The following KLHDC4 variants were observed in gnomAD, a reference collection of about 807,000 sequenced individuals.
KLHDC4 encodes the protein kelch domain-containing protein 4.
In KLHDC4, 90 loss-of-function variants were observed where a neutral mutation model predicts 62.4. The ratio of observed to expected loss-of-function variants is 1.44; its 90% CI spans 1.22 to 1.72. The LOEUF (loss-of-function observed/expected upper bound fraction) is 1.72. Among genes scored for constraint, KLHDC4 ranks in the 40% most tolerant of loss-of-function variants. The pLI, the probability that KLHDC4 is intolerant of heterozygous loss-of-function variation, is 0.00. For synonymous variants in KLHDC4, 386 were observed against 284.4 expected (o/e 1.36, Z -3.59); for missense variants, 1,025 against 699.7 (o/e 1.47, Z -5.25).
At chr16:87,731,620 T>G (rs908081885) in intron 5 of KLHDC4, among the ~76,000 whole-genome samples, 9 of 151,194 alleles carry the variant, frequency 6.0e-5, no homozygotes, top group African/African-American at 2.2e-4. Flanking sequence ...ATGGGGCTGC[T>G]GGAGCCATGG....
chr16:87,737,342 C>T (rs973584736), intron 5 of KLHDC4, among the ~76,000 whole-genome samples: 4 of 152,032 alleles, frequency 2.6e-5, no homozygotes, highest in Non-Finnish European at 5.9e-5. Context: ...AATCCCAGCA[C>T]TTTGGGAGGC....
Position 87,755,229 on chromosome 16 carries a change from T to C in KLHDC4, c.334A>G (p.Ile112Val). ...CAGCGCCTCGGAGGTGGACTGGGGATGTCAACTTTGGTCCAGGTGTCCTTT... is the reference window on the plus strand; with the variant it reads ...CAGCGCCTCGGAGGTGGACTGGGGACGTCAACTTTGGTCCAGGTGTCCTTT... ...TRKDTWTKVD[I>V]PSPPPRRCAH... The change falls in exon 4 of 12, where the codon ATC (isoleucine) becomes GTC (valine). Residue 112 changes from isoleucine to valine, a missense_variant. Physicochemically the swap from Ile to Val is conservative, Grantham distance 29. Coordinates refer to ENST00000270583, the MANE Select transcript of KLHDC4 (RefSeq NM_017566.4). The C allele has an allele frequency of 1.2e-6, 2 of 1,612,080 alleles. No homozygotes were observed. Among genetic ancestry groups the C allele is most frequent in the Non-Finnish European group, 1.7e-6 (2 of 1,178,210 alleles).
At chr16:87,703,776 G>A (rs1183050788), downstream of KLHDC4, among the ~76,000 whole-genome samples, 2 of 152,240 alleles carry the variant, frequency 1.3e-5, no homozygotes, top group Non-Finnish European at 2.9e-5. Context: ...GGCCATGACA[G>A]TGTGTCAGCT....
intron 5 of KLHDC4, among the ~76,000 whole-genome samples, chr16:87,733,813 C>G (rs1488620290): frequency 1.3e-5 from 2 of 152,062 alleles, no homozygotes; most frequent in Non-Finnish European, 2.9e-5. Context: ...CTTAGGAATC[C>G]ACTCCCTGGG....
intron 5 of KLHDC4, among the ~76,000 whole-genome samples, chr16:87,746,399 G>T (rs992388597): frequency 1.3e-5 from 2 of 151,970 alleles, no homozygotes; most frequent in Admixed American, 1.3e-4. Context: ...GACAGAGAGA[G>T]AAAGAGAGTG....
chr16:87,765,474 C>T, intron 1 of KLHDC4: 2 of 505,154 alleles, frequency 4.0e-6, no homozygotes, highest in Non-Finnish European at 7.6e-6. Flanking sequence ...ACCCAGCCTC[C>T]CTTCAGAGGG....
rs775251141 is a variant in KLHDC4, at chr16:87,709,644, TTTC to T, written c.1065_1067del (p.Lys356del). The stretch of plus-strand genomic sequence containing the variant: ...GCTCCTCTTTTCTGCCCCGCCTGCG[TTTC>T]TTCTTTTCAGACTTGGGTCCCTATT... On this transcript the variant is annotated inframe_deletion, in exon 10 of 12. Coordinates refer to ENST00000270583, the MANE Select transcript of KLHDC4 (RefSeq NM_017566.4). 2.5e-6 allele frequency: 4 copies of T among 1,603,404 alleles called. No individual in the cohort carries two copies. The African/African-American group carries it at 5.4e-5, about 21-fold the overall frequency.
exon 1 of KLHDC4, chr16:87,700,590 GGA>G (rs1427065224): frequency 3.1e-5 from 6 of 195,934 alleles, no homozygotes; most frequent in Admixed American, 1.9e-4. Flanking sequence ...GGTGGAGGGA[GGA>G]GAGAAGAGGT....
intron 5 of KLHDC4, among the ~76,000 whole-genome samples, chr16:87,745,783 G>C (rs1274078345): frequency 6.6e-6 from 1 of 152,188 alleles, no homozygotes; most frequent in Non-Finnish European, 1.5e-5. Context: ...TGACTACAGG[G>C]TGGGAGAGAA....
intron 5 of KLHDC4, among the ~76,000 whole-genome samples, chr16:87,736,581 G>C (rs1010734981): frequency 1.3e-5 from 2 of 152,140 alleles, no homozygotes; most frequent in African/African-American, 2.4e-5. Flanking sequence ...CTGCTTTTCC[G>C]AGTATCAAGT....
rs144215008 is a variant in KLHDC4 at position 87,742,836 on chromosome 16, C to T, written c.506+5837G>A. Among the ~76,000 whole-genome samples, 35 of 152,342 alleles carry T rather than the reference C, an allele frequency of 2.3e-4. No individual in the cohort carries two copies. The East Asian group carries it at 4.6e-3, about 20-fold the overall frequency. On this transcript the variant is annotated intron_variant, in intron 5 of 11. Coordinates refer to ENST00000270583, the MANE Select transcript of KLHDC4 (RefSeq NM_017566.4). ...GTTCTCTAAGTTCAGAATCAAAACA[C>T]GGCCCCTCCAGACGAGTTGCCCTAA...
chr16:87,742,081 T>C (rs2042319983), intron 5 of KLHDC4, among the ~76,000 whole-genome samples: 1 of 151,868 alleles, frequency 6.6e-6, no homozygotes, highest in Non-Finnish European at 1.5e-5. Context: ...GACCTTTCCT[T>C]TTAGATCAAT....
chr16:87,732,702 C>T lies in KLHDC4; in HGVS notation c.507-2058G>A, dbSNP rs116658690. Among the ~76,000 whole-genome samples the T allele has an allele frequency of 1.6e-3, 237 of 152,234 alleles. 1 individual carries two copies. Among genetic ancestry groups the T allele is most frequent in the African/African-American group, 5.6e-3 (232 of 41,460 alleles). ...AGATTCTTTAAAATACTGCATGTCA[C>T]GGGACAATGCTCGAAAAACAGCACG... On this transcript the variant is annotated intron_variant, in intron 5 of 11. Transcript: ENST00000270583.
At chr16:87,748,448 G>T (rs1284535018) in intron 5 of KLHDC4, among the ~76,000 whole-genome samples, 2 of 152,176 alleles carry the variant, frequency 1.3e-5, no homozygotes, top group Non-Finnish European at 2.9e-5. Flanking sequence ...GAGGAACCTG[G>T]AGAACAACAC....
chr16:87,698,311 A>ATCTT (rs1376021923), exon 1 of KLHDC4: 3 of 152,222 alleles, frequency 2.0e-5, no homozygotes, highest in South Asian at 2.1e-4. Flanking sequence ...CATCTTTTCC[A>ATCTT]TCTTTTAGTA....
At position 87,765,946 on chromosome 16, in the gene KLHDC4, C is replaced by G. The variant is rs1240250399; in HGVS notation, c.-56G>C. 3 of 1,513,772 alleles carry G rather than the reference C, an allele frequency of 2.0e-6. No homozygotes were observed. Among genetic ancestry groups the G allele is most frequent in the Non-Finnish European group, 2.7e-6 (3 of 1,117,258 alleles). The allele number at this position is 1,513,772 out of a possible 1,614,324, so 93.8% of individuals were successfully genotyped here. On this transcript the variant is annotated 5_prime_UTR_variant, in exon 1 of 12. Transcript: ENST00000270583. ...CAGGAAAGAAAACGGCCCGCGCTCT[C>G]CGCTCGGAAACAGGTGCTCGTGGGG...
At chr16:87,709,124 G>C in intron 10 of KLHDC4, 141 bp downstream of exon 10, 6 of 1,086,344 alleles carry the variant, frequency 5.5e-6, no homozygotes, top group South Asian at 1.5e-5. Flanking sequence ...CCGTCAATCT[G>C]ACCGTGGAGG....
intron 6 of KLHDC4, among the ~76,000 whole-genome samples, chr16:87,729,918 GA>G (rs1255735462): frequency 2.0e-5 from 3 of 152,206 alleles, no homozygotes; most frequent in African/African-American, 7.2e-5. Flanking sequence ...AGGGTATTCT[GA>G]ACCAGGCTAA....
chr16:87,703,683 G>C (rs1325258022), downstream of KLHDC4, among the ~76,000 whole-genome samples: 1 of 152,182 alleles, frequency 6.6e-6, no homozygotes, highest in Admixed American at 6.5e-5. Context: ...GCTTGGAAGG[G>C]CTCTGAAGGT....
Sources: allele counts gnomAD v4.1 joint callset (sites outside exome capture counted in the v4.1 genomes callset), GRCh38; gene constraint gnomAD v4.1.1; transcripts MANE v1.5; gene names NCBI Gene and HGNC (gene_info 2026-07-23, HGNC 2026-07-21).